The following B3GLCT variants were observed in gnomAD, a reference collection of about 807,000 sequenced individuals.
The protein encoded by B3GLCT is beta 3-glucosyltransferase.
In B3GLCT, 65 loss-of-function variants were observed where a neutral mutation model predicts 63.4. The observed-to-expected ratio is 1.03, with a 90% CI of 0.84 to 1.26. The LOEUF (loss-of-function observed/expected upper bound fraction) is 1.26, where lower values mean the gene tolerates loss of function less well. Among genes scored for constraint, B3GLCT ranks in the 50% most tolerant of loss-of-function variants. B3GLCT has a pLI of 0.00. For synonymous variants in B3GLCT, 233 were observed against 219.2 expected, an observed-to-expected ratio of 1.06 and a Z score of -0.55; for missense variants, 577 against 604.8, an observed-to-expected ratio of 0.95 and a Z score of 0.48.
At chr13:31,326,275 C>CTTTTTT (rs11415456) in intron 14 of B3GLCT, among the ~76,000 whole-genome samples, 6 of 75,868 alleles carry the variant, frequency 7.9e-5, no homozygotes, top group Admixed American at 2.1e-4. Flanking sequence ...AGGTCTTTCC[C>CTTTTTT]TTTTTTTTTT....
intron 10 of B3GLCT, among the ~76,000 whole-genome samples, chr13:31,282,900 T>C (rs1458037961): frequency 1.3e-5 from 2 of 152,182 alleles, no homozygotes; most frequent in Non-Finnish European, 2.9e-5. Context: ...TTCAACTGTT[T>C]ATTGAGTGTC....
intron 12 of B3GLCT, among the ~76,000 whole-genome samples, 197 bp downstream of exon 12, chr13:31,287,016 T>C (rs1289979722): frequency 6.6e-6 from 1 of 152,020 alleles, no homozygotes; most frequent in Non-Finnish European, 1.5e-5. Flanking sequence ...CAAAGGAAAA[T>C]GATCCAAAAG....
chr13:31,315,093 C>G (rs899365459), intron 12 of B3GLCT, among the ~76,000 whole-genome samples: 1 of 152,208 alleles, frequency 6.6e-6, no homozygotes, highest in Non-Finnish European at 1.5e-5. Context: ...GTTTGCTTCC[C>G]AGTCTTGAGT....
chr13:31,215,790 C>G (rs538855742), intron 2 of B3GLCT, among the ~76,000 whole-genome samples: 1 of 152,246 alleles, frequency 6.6e-6, no homozygotes, highest in South Asian at 2.1e-4. Flanking sequence ...ACAGGTGTCA[C>G]AGAAACCTGA....
At chr13:31,256,600 G>C (rs1260267257) in intron 6 of B3GLCT, among the ~76,000 whole-genome samples, 1 of 152,148 alleles carries the variant, frequency 6.6e-6, no homozygotes, top group Non-Finnish European at 1.5e-5. Context: ...CCATAAAAAA[G>C]GACGAGTTCA....
intron 3 of B3GLCT, 125 bp from the exon 4 acceptor site, chr13:31,229,060 A>AT: frequency 1.5e-6 from 1 of 676,672 alleles, no homozygotes; most frequent in Non-Finnish European, 2.6e-6. Flanking sequence ...ATACGAATTG[A>AT]TTTTTTCCCA....
rs1250591626 is a variant in B3GLCT, at chr13:31,323,833, G to A, written c.1267G>A (p.Val423Ile). The part of the protein sequence containing the change: ...CYSNDAPDDM[V>I]LGMCFSGLGI... ...CAGCAATGATGCTCCCGATGATATG[G>A]TCCTGGGAATGTGCTTTAGTGGCTT... Residue 423 changes from valine to isoleucine, a missense_variant, in exon 14 of 15, where the codon GTC (valine) becomes ATC (isoleucine). Val to Ile is a conservative substitution (Grantham distance 29). Coordinates refer to ENST00000343307, the MANE Select transcript of B3GLCT (RefSeq NM_194318.4). The A allele has an allele frequency of 1.9e-6, 3 of 1,614,148 alleles. No individual in the cohort carries two copies. Among genetic ancestry groups the A allele is most frequent in the Non-Finnish European group, 2.5e-6 (3 of 1,180,004 alleles).
chr13:31,266,739 T>C (rs1872343833), intron 7 of B3GLCT, among the ~76,000 whole-genome samples: 1 of 152,182 alleles, frequency 6.6e-6, no homozygotes, highest in African/African-American at 2.4e-5. Flanking sequence ...TCATTTGTCC[T>C]CTCATCAGTC....
At chr13:31,274,200 T>C (rs1872683084) in intron 8 of B3GLCT, among the ~76,000 whole-genome samples, 2 of 152,244 alleles carry the variant, frequency 1.3e-5, no homozygotes, top group Admixed American at 6.5e-5. Flanking sequence ...AGCCATAATA[T>C]TTTCTTACAT....
At chr13:31,272,229 T>C (rs1263614581) in intron 8 of B3GLCT, among the ~76,000 whole-genome samples, 1 of 151,016 alleles carries the variant, frequency 6.6e-6, no homozygotes, top group African/African-American at 2.4e-5. Context: ...TTTTTTTTTT[T>C]TTTTGAGACA....
chr13:31,251,839 C>T (rs1471360962), intron 6 of B3GLCT, among the ~76,000 whole-genome samples: 2 of 152,098 alleles, frequency 1.3e-5, no homozygotes, highest in African/African-American at 4.8e-5. Context: ...CAAAGCAGGT[C>T]AACATTCAAA....
At chr13:31,301,823 G>A (rs1410978946) in intron 12 of B3GLCT, among the ~76,000 whole-genome samples, 1 of 152,174 alleles carries the variant, frequency 6.6e-6, no homozygotes, top group African/African-American at 2.4e-5. Context: ...ATCAGCCAGG[G>A]GTCCCTTTCC....
intron 12 of B3GLCT, among the ~76,000 whole-genome samples, chr13:31,317,337 T>G (rs1365207988): frequency 1.3e-5 from 2 of 152,334 alleles, no homozygotes; most frequent in East Asian, 3.9e-4. Flanking sequence ...AAGCCCCTTG[T>G]GTCTCAGTTT....
chr13:31,293,187 C>A (rs1341582130), intron 12 of B3GLCT, among the ~76,000 whole-genome samples: 1 of 152,154 alleles, frequency 6.6e-6, no homozygotes, highest in Non-Finnish European at 1.5e-5. Context: ...GATTTCTGTT[C>A]TTTTACATTT....
At position 31,261,096 on chromosome 13, in the gene B3GLCT, G is replaced by A; in HGVS notation, c.596+14G>A. The A allele has an allele frequency of 6.2e-7, 1 of 1,609,034 alleles. No individual in the cohort carries two copies. Among genetic ancestry groups the A allele is most frequent in the Non-Finnish European group, 8.5e-7 (1 of 1,177,848 alleles). ...ACTTGTAAACAAGTAAGAATTTATT[G>A]GAATTTTTTCGGGGGGCGGGAGGGG... On this transcript the variant is annotated intron_variant, in intron 7 of 14. Coordinates refer to ENST00000343307, the MANE Select transcript of B3GLCT (RefSeq NM_194318.4).
intron 5 of B3GLCT, 125 bp downstream of exon 5, chr13:31,247,224 C>CT: frequency 1.3e-6 from 1 of 766,450 alleles, no homozygotes; most frequent in Non-Finnish European, 2.2e-6. Flanking sequence ...TTGAGTTTTA[C>CT]TTTTTATGAT....
chr13:31,281,802 C>T (rs899522737), intron 10 of B3GLCT, among the ~76,000 whole-genome samples: 1 of 152,190 alleles, frequency 6.6e-6, no homozygotes, highest in African/African-American at 2.4e-5. Context: ...AAACTATTCA[C>T]ATTTGATGGT....
At chr13:31,263,172 C>T (rs1169129891) in intron 7 of B3GLCT, among the ~76,000 whole-genome samples, 2 of 152,226 alleles carry the variant, frequency 1.3e-5, no homozygotes, top group African/African-American at 4.8e-5. Flanking sequence ...GCCTCTCATC[C>T]TGAAGGCAAA....
chr13:31,228,156 G>A (rs114756778), intron 3 of B3GLCT, among the ~76,000 whole-genome samples: 2,347 of 152,296 alleles, frequency 0.015, 68 homozygotes, highest in African/African-American at 0.054. Flanking sequence ...AGCATGGGGT[G>A]TTATAGATGG....
Sources: gnomAD v4.1 joint callset for allele counts (sites outside exome capture counted in the v4.1 genomes callset) on GRCh38, gnomAD v4.1.1 for gene constraint, MANE v1.5 for transcripts, NCBI Gene and HGNC (gene_info 2026-07-23, HGNC 2026-07-21) for gene names.